BNIP5: variants seen among roughly 807,000 people sequenced by gnomAD.
BNIP5 encodes the protein BCL2 interacting protein 5.
Under a neutral mutation model 67.3 loss-of-function variants are expected in BNIP5, and 61 were observed. That is an observed-to-expected ratio of 0.91 (90% CI 0.74 to 1.12). The LOEUF is 1.12. BNIP5 is among the 50% of genes most tolerant of loss of function. BNIP5 has a pLI of 0.00. For synonymous variants in BNIP5, 317 were observed against 319.0 expected (o/e 0.99, Z 0.07); for missense variants, 826 against 816.3 (o/e 1.01, Z -0.14).
intron 10 of BNIP5, among the ~76,000 whole-genome samples, chr6:36,320,912 G>A (rs539364848): frequency 6.6e-6 from 1 of 152,320 alleles, no homozygotes; most frequent in African/African-American, 2.4e-5. Flanking sequence ...GGGGCAGGGA[G>A]GCCACATGAG....
At chr6:36,325,185 G>A (rs1037773368) in intron 6 of BNIP5, 98 bp downstream of exon 6, 4 of 1,358,536 alleles carry the variant, frequency 2.9e-6, no homozygotes, top group Non-Finnish European at 3.1e-6. Context: ...GGTCTGGACA[G>A]GTCACTGCCT....
rs1447708258 is a variant in BNIP5 at position 36,317,002 on chromosome 6, A to C, written c.*354T>G. The C allele has an allele frequency of 7.0e-6, 3 of 431,364 alleles. No homozygotes were observed. The highest frequency in any genetic ancestry group is 1.2e-5 in the Non-Finnish European group (3 of 245,886). The allele number at this position is 431,364 out of a possible 1,614,324, so 26.7% of individuals were successfully genotyped here. A position where few individuals can be genotyped will look rare whatever the true frequency, so the allele number is the denominator to read the frequency against. On this transcript the variant is annotated 3_prime_UTR_variant, in exon 12 of 12. Coordinates refer to ENST00000437635, the MANE Select transcript of BNIP5 (RefSeq NM_001010903.5). ...CTCAGTTAACATGAACATCTGAGAA[A>C]ATATCAGTAGGCCTTCTGGGTGGGA...
In BNIP5 at chr6:36,319,575, G is replaced by T. The variant is rs142695827; in HGVS notation, c.1704C>A (p.Tyr568Ter). The change falls in exon 11 of 12, where the codon TAC becomes TAA. Residue 568 changes from tyrosine to a stop codon, truncating the protein, a stop_gained. Transcript: ENST00000437635. LOFTEE classifies it high-confidence loss of function. The part of the protein sequence containing the change: ...RRHPSFKRFF[Y>*]EFSDSSLSKL... ...TGCTGAGGGAGGAGTCCGAGAACTCGTAAAAAAACCTCTTAAAGCTGGGGT... is the reference window on the plus strand; with the variant it reads ...TGCTGAGGGAGGAGTCCGAGAACTCTTAAAAAAACCTCTTAAAGCTGGGGT... The T allele has an allele frequency of 1.4e-5, 23 of 1,613,344 alleles. No individual in the cohort carries two copies. Among genetic ancestry groups the T allele is most frequent in the Non-Finnish European group, 2.0e-5 (23 of 1,179,400 alleles).
rs761634583 is a variant in BNIP5 at position 36,330,225 on chromosome 6, G to T, written c.466C>A (p.Arg156Ser). Residue 156 changes from arginine to serine, a missense_variant, in exon 2 of 12, where the codon CGC becomes AGC. By Grantham distance (110) the Arg-to-Ser change is moderately radical. Transcript: ENST00000437635. ...KKAHHDKKPS[R>S]KKQGHKKHAA... ...TGTTTCTTGTGACCTTGCTTCTTGC[G>T]GCTGGGCTTCTTGTCGTGGTGGGCT... 1.2e-6 allele frequency: 2 copies of T among 1,614,086 alleles called. No individual in the cohort carries two copies. The highest frequency in any genetic ancestry group is 1.7e-6 in the Non-Finnish European group (2 of 1,180,022).
chr6:36,321,506 C>G (rs913302284), intron 9 of BNIP5, among the ~76,000 whole-genome samples: 1 of 152,090 alleles, frequency 6.6e-6, no homozygotes, highest in African/African-American at 2.4e-5. Flanking sequence ...GAAACTGAGG[C>G]CTCCCAGTGT....
chr6:36,333,519 C>T (rs949726925), intron 1 of BNIP5, among the ~76,000 whole-genome samples: 1 of 152,196 alleles, frequency 6.6e-6, no homozygotes, highest in African/African-American at 2.4e-5. Flanking sequence ...TATGTTTGTT[C>T]TCACTTATTT....
intron 10 of BNIP5, 32 bp from the exon 11 acceptor site, chr6:36,319,642 G>A (rs1771593791): frequency 1.3e-6 from 2 of 1,592,336 alleles, no homozygotes; most frequent in East Asian, 2.2e-5. Context: ...GGTCATTAGT[G>A]TTGCTGGCAG....
Position 36,325,356 on chromosome 6 carries a change from G to T in BNIP5, c.1095C>A (p.Pro365=), listed in dbSNP as rs1435354600. 3 of 1,614,170 alleles carry T rather than the reference G, an allele frequency of 1.9e-6. No individual in the cohort carries two copies. The African/African-American group carries it at 4.0e-5, about 22-fold the overall frequency. ...APSTEAGAPG[P]SVLPTPSESQ... Reference sequence around the variant, plus strand: ...TCTCTGATGGGGTGGGAAGCACGGAGGGACCTGGAGCCCCAGCCTCTGTAG... The same window carrying T: ...TCTCTGATGGGGTGGGAAGCACGGATGGACCTGGAGCCCCAGCCTCTGTAG... Residue 365 remains proline (P), a synonymous_variant, in exon 6 of 12, where the codon CCC becomes CCA. Coordinates refer to ENST00000437635, the MANE Select transcript of BNIP5 (RefSeq NM_001010903.5).
At position 36,316,237 on chromosome 6, in the gene BNIP5, T is replaced by G. The variant is rs1179332225; in HGVS notation, c.*1119A>C. 4 of 337,052 alleles carry G rather than the reference T, an allele frequency of 1.2e-5. No individual in the cohort carries two copies. The highest frequency in any genetic ancestry group is 4.2e-5 in the African/African-American group (2 of 47,452). 20.9% of individuals were successfully genotyped at this position (337,052 alleles called of 1,614,324 possible). A position where few individuals can be genotyped will look rare whatever the true frequency, so the allele number is the denominator to read the frequency against. Reference sequence around the variant, plus strand: ...TCCAGGTTTAACACCCTTTCCCCCATGACCACATGTTCTGGGCAGTGTCCA... The same window carrying G: ...TCCAGGTTTAACACCCTTTCCCCCAGGACCACATGTTCTGGGCAGTGTCCA... On this transcript the variant is annotated 3_prime_UTR_variant, in exon 12 of 12. Coordinates refer to ENST00000437635, the MANE Select transcript of BNIP5 (RefSeq NM_001010903.5).
chr6:36,332,737 A>G (rs1021378733), intron 1 of BNIP5, among the ~76,000 whole-genome samples: 1 of 152,154 alleles, frequency 6.6e-6, no homozygotes, highest in South Asian at 2.1e-4. Context: ...CAGCATTTCA[A>G]GCCCGCCTAG....
At chr6:36,331,451 A>G (rs1771905199) in intron 1 of BNIP5, among the ~76,000 whole-genome samples, 1 of 152,154 alleles carries the variant, frequency 6.6e-6, no homozygotes, top group South Asian at 2.1e-4. Flanking sequence ...TAGCAATGGA[A>G]AACGAATACA....
intron 5 of BNIP5, 129 bp from the exon 6 acceptor site, chr6:36,325,543 C>T: frequency 8.7e-7 from 1 of 1,142,860 alleles, no homozygotes. Flanking sequence ...GGCTGGAAGA[C>T]AGCTGCTGGG....
chr6:36,326,533 C>T lies in BNIP5; in HGVS notation c.1013G>A (p.Arg338Gln), dbSNP rs771516238. Residue 338 changes from arginine (R) to glutamine (Q), a missense_variant, in exon 5 of 12, where the codon CGG (arginine) becomes CAG (glutamine). Arg to Gln is a conservative substitution (Grantham distance 43). Coordinates refer to ENST00000437635, the MANE Select transcript of BNIP5 (RefSeq NM_001010903.5). ...SFLPLCVSGH[R>Q]PSISSSYGLE... ...ACCATAGCTGCTGGAGATGGAAGGC[C>T]GATGGCCGCTGACACACAGGGGCAG... 18 of 1,614,108 alleles carry T rather than the reference C, an allele frequency of 1.1e-5. No individual in the cohort carries two copies. The highest frequency in any genetic ancestry group is 8.3e-5 in the Admixed American group (5 of 60,010).
Position 36,328,618 on chromosome 6 carries a change from T to C in BNIP5, c.707A>G (p.Glu236Gly), listed in dbSNP as rs1771814876. Reference sequence around the variant, plus strand: ...CTCACGGTCAGGCTTTTTGAGCTCCTCTTCTTGCTGATGACCTGTGGCATG... The same window carrying C: ...CTCACGGTCAGGCTTTTTGAGCTCCCCTTCTTGCTGATGACCTGTGGCATG... ...SPHATGHQQE[E>G]ELKKPDQDAI... The change falls in exon 3 of 12, where the codon GAG becomes GGG. Residue 236 changes from glutamate to glycine, a missense_variant. Glu to Gly is a moderately conservative substitution (Grantham distance 98). Transcript: ENST00000437635. The C allele has an allele frequency of 6.2e-7, 1 of 1,613,490 alleles. No homozygotes were observed. Among genetic ancestry groups the C allele is most frequent in the Non-Finnish European group, 8.5e-7 (1 of 1,179,416 alleles).
intron 1 of BNIP5, among the ~76,000 whole-genome samples, chr6:36,333,095 G>A (rs1771940654): frequency 6.6e-6 from 1 of 152,194 alleles, no homozygotes; most frequent in African/African-American, 2.4e-5. Flanking sequence ...AAGTGAAGAA[G>A]ATACAGAGAA....
rs576970172 is a variant in BNIP5 at position 36,322,407 on chromosome 6, C to T, written c.1507G>A (p.Ala503Thr). The T allele has an allele frequency of 3.7e-5, 60 of 1,613,922 alleles. No individual in the cohort carries two copies. Among genetic ancestry groups the T allele is most frequent in the East Asian group, 6.7e-5 (3 of 44,874 alleles). The change falls in exon 9 of 12, where the codon GCA (alanine) becomes ACA (threonine). Residue 503 changes from alanine to threonine, a missense_variant. Physicochemically the swap from Ala to Thr is moderately conservative, Grantham distance 58. Coordinates refer to ENST00000437635, the MANE Select transcript of BNIP5 (RefSeq NM_001010903.5). The stretch of plus-strand genomic sequence containing the variant: ...GAGATCACAACTGGCTCCCCTTCTG[C>T]GGGCAGGGGCTCCCGGCACTCGAGA... ...EDLECREPLP[A>T]EGEPVVISEA...
chr6:36,336,272 T>G (rs936500191), intron 1 of BNIP5, among the ~76,000 whole-genome samples: 1 of 151,944 alleles, frequency 6.6e-6, no homozygotes, highest in African/African-American at 2.4e-5. Context: ...TATCAGGGGG[T>G]TCCCTCATGT....
intron 1 of BNIP5, among the ~76,000 whole-genome samples, chr6:36,335,024 G>C (rs1182396318): frequency 6.6e-6 from 1 of 152,164 alleles, no homozygotes; most frequent in Non-Finnish European, 1.5e-5. Flanking sequence ...AAATACCCAA[G>C]TGATCTGCAC....
At chr6:36,328,352 T>C (rs868450204) in intron 3 of BNIP5, among the ~76,000 whole-genome samples, 1 of 152,204 alleles carries the variant, frequency 6.6e-6, no homozygotes, top group Non-Finnish European at 1.5e-5. Flanking sequence ...CTAAGAAAAG[T>C]TCCGTTTTCA....
Sources: gnomAD v4.1 joint callset for allele counts (sites outside exome capture counted in the v4.1 genomes callset) on GRCh38, gnomAD v4.1.1 for gene constraint, MANE v1.5 for transcripts, NCBI Gene and HGNC (gene_info 2026-07-23, HGNC 2026-07-21) for gene names.